Variants in LRRK2 observed in about 807,000 individuals in gnomAD.
LRRK2 encodes leucine rich repeat kinase 2, also known as leucine-rich repeat serine/threonine-protein kinase 2.
A neutral mutation model predicts 302.6 loss-of-function variants in LRRK2; 203 were observed. That is an observed-to-expected ratio of 0.67 (90% confidence interval 0.60 to 0.75). The LOEUF (loss-of-function observed/expected upper bound fraction) is 0.75. LRRK2 is among the 30% of genes least tolerant of loss of function. The pLI is 0.00. For synonymous variants in LRRK2, 1,066 were observed against 1,031.9 expected (o/e 1.03, Z -0.63); for missense variants, 2,830 against 2,951.0 (o/e 0.96, Z 0.95).
intron 41 of LRRK2, among the ~76,000 whole-genome samples, chr12:40,344,817 TTGTATC>T: frequency 6.6e-6 from 1 of 152,106 alleles, no homozygotes; most frequent in Non-Finnish European, 1.5e-5. Context: ...GTCTGAAACA[TTGTATC>T]TGTAACAATA....
intron 48 of LRRK2, 65 bp downstream of exon 48, chr12:40,363,619 G>A (rs1009014894): frequency 3.8e-6 from 6 of 1,561,854 alleles, no homozygotes; most frequent in Non-Finnish European, 5.3e-6. Flanking sequence ...GTGTCACAGA[G>A]GAAGGATTTT....
intron 41 of LRRK2, 119 bp from the exon 42 acceptor site, chr12:40,346,634 C>T: frequency 1.1e-6 from 1 of 902,438 alleles, no homozygotes; most frequent in South Asian, 1.5e-5. Context: ...AATAACACAG[C>T]CTGGTTTAGA....
At chr12:40,365,079 A>G (rs757258873) in intron 49 of LRRK2, 29 bp downstream of exon 49, 4 of 1,580,886 alleles carry the variant, frequency 2.5e-6, no homozygotes, top group African/African-American at 2.7e-5. Flanking sequence ...GATATTTTTC[A>G]TATTCTCTAA....
intron 30 of LRRK2, 88 bp from the exon 31 acceptor site, chr12:40,310,342 TG>T: frequency 8.2e-7 from 1 of 1,224,854 alleles, no homozygotes; most frequent in Non-Finnish European, 1.2e-6. Flanking sequence ...TCCATTCAAG[TG>T]AATGTCACGG....
In LRRK2 at chr12:40,314,122, C is replaced by T. The variant is rs1945128484; in HGVS notation, c.4687C>T (p.Gln1563Ter). 3 of 1,612,660 alleles carry T rather than the reference C, an allele frequency of 1.9e-6. No homozygotes were observed. The highest frequency in any genetic ancestry group is 2.5e-6 in the Non-Finnish European group (3 of 1,178,982). The change falls in exon 32 of 51, where the codon CAG becomes TAG. Residue 1563 changes from glutamine to a stop codon, truncating the protein, a stop_gained. Coordinates refer to ENST00000298910, the MANE Select transcript of LRRK2 (RefSeq NM_198578.4). LOFTEE classifies it high-confidence loss of function. ...LLQLVRENQL[Q>*]LDENELPHAV... ...ACAACTAGTGAGAGAAAATCAGCTG[C>T]AGTTAGATGAAAATGAGCTTCCTCA...
chr12:40,303,853 C>T, intron 26 of LRRK2, 95 bp from the exon 27 acceptor site: 1 of 1,238,288 alleles, frequency 8.1e-7, no homozygotes. Context: ...TGACGTTACA[C>T]TTTATTCTCA....
At chr12:40,226,874 T>C (rs1338106914) in intron 2 of LRRK2, among the ~76,000 whole-genome samples, 1 of 152,176 alleles carries the variant, frequency 6.6e-6, no homozygotes, top group Non-Finnish European at 1.5e-5. Flanking sequence ...CAGAAGTGCC[T>C]GATTCTGGCC....
At chr12:40,260,018 C>G (rs1942699645) in intron 13 of LRRK2, among the ~76,000 whole-genome samples, 2 of 152,030 alleles carry the variant, frequency 1.3e-5, no homozygotes, top group Admixed American at 1.3e-4. Flanking sequence ...TTGAATTAAT[C>G]TTTCTCCAAT....
chr12:40,305,234 A>G (rs1026958493), intron 27 of LRRK2, among the ~76,000 whole-genome samples: 7 of 152,184 alleles, frequency 4.6e-5, no homozygotes, highest in African/African-American at 1.7e-4. Flanking sequence ...AACTGTGCAT[A>G]TATTTTGCTA....
chr12:40,242,327 C>T (rs1941766508), intron 6 of LRRK2, among the ~76,000 whole-genome samples: 1 of 151,984 alleles, frequency 6.6e-6, no homozygotes, highest in Non-Finnish European at 1.5e-5. Context: ...GTTTTGCAAA[C>T]AGCCTTTTTT....
intron 45 of LRRK2, among the ~76,000 whole-genome samples, chr12:40,355,137 A>C (rs1393865381): frequency 6.6e-6 from 1 of 152,196 alleles, no homozygotes. Context: ...TATTGGAAAA[A>C]AAGTACTAGA....
rs199832934 is a variant in LRRK2, at chr12:40,365,022, G to T, written c.7362G>T (p.Ser2454=). 1 of 1,612,226 alleles carries T rather than the reference G, an allele frequency of 6.2e-7. No homozygotes were observed. The highest frequency in any genetic ancestry group is 1.3e-5 in the African/African-American group (1 of 74,862). ...GTGTAATTTACAACTTTTGTAATTC[G>T]GTCAGAGTCATGATGACAGCACAGC... ...LIRVIYNFCN[S]VRVMMTAQLG... The change falls in exon 49 of 51, where the codon TCG becomes TCT. Residue 2454 remains serine (S), a synonymous_variant. Transcript: ENST00000298910.
At chr12:40,304,177 G>A in intron 27 of LRRK2, 43 bp downstream of exon 27, 1 of 1,574,676 alleles carries the variant, frequency 6.4e-7, no homozygotes, top group South Asian at 1.1e-5. Context: ...TTTATGATTT[G>A]CATCATTACA....
chr12:40,367,683 C>G lies in LRRK2; in HGVS notation c.7502C>G (p.Pro2501Arg), dbSNP rs1282723193. 6.2e-7 allele frequency: 1 copy of G among 1,603,290 alleles called. No individual in the cohort carries two copies. Among genetic ancestry groups the G allele is most frequent in the Non-Finnish European group, 8.5e-7 (1 of 1,173,922 alleles). Reference protein sequence around the residue: ...SCLTVWDINLPHEVQNLEKHI... With the variant: ...SCLTVWDINLRHEVQNLEKHI... ...TTGACCGTTTGGGACATCAATCTTC[C>G]ACATGAAGTGCAAAATTTAGAAAAA... The change falls in exon 51 of 51, where the codon CCA becomes CGA. Residue 2501 changes from proline (P) to arginine (R), a missense_variant. Pro to Arg is a moderately radical substitution (Grantham distance 103). This residue lies in a region of LRRK2 where 456 missense variants were observed against 456.3 expected (regional missense o/e 1.00). Coordinates refer to ENST00000298910, the MANE Select transcript of LRRK2 (RefSeq NM_198578.4).
intron 7 of LRRK2, 94 bp from the exon 8 acceptor site, chr12:40,249,732 C>G: frequency 7.4e-7 from 1 of 1,358,892 alleles, no homozygotes; most frequent in Non-Finnish European, 1.0e-6. Context: ...ATATTCATCA[C>G]CATTCAAAAT....
chr12:40,277,023 T>G (rs1324187146), intron 16 of LRRK2, among the ~76,000 whole-genome samples: 1 of 152,110 alleles, frequency 6.6e-6, no homozygotes, highest in African/African-American at 2.4e-5. Flanking sequence ...ATATTTTTTA[T>G]AGGCACAAGA....
chr12:40,341,828 C>G (rs1946052704), intron 41 of LRRK2, among the ~76,000 whole-genome samples: 1 of 152,322 alleles, frequency 6.6e-6, no homozygotes, highest in Non-Finnish European at 1.5e-5. Context: ...GCAACTCTAA[C>G]ATGAAGAAGC....
chr12:40,314,910 G>GTTT (rs1945165201), intron 32 of LRRK2, among the ~76,000 whole-genome samples: 1 of 152,016 alleles, frequency 6.6e-6, no homozygotes, highest in Non-Finnish European at 1.5e-5. Flanking sequence ...TCTTTGTAGT[G>GTTT]TGTATTCAGC....
At chr12:40,283,619 C>G (rs879796151) in intron 18 of LRRK2, among the ~76,000 whole-genome samples, 4 of 152,162 alleles carry the variant, frequency 2.6e-5, no homozygotes, top group Non-Finnish European at 5.9e-5. Context: ...GCCTGTGGAG[C>G]TTTGTCTCCA....
Sources: allele counts gnomAD v4.1 joint callset (sites outside exome capture counted in the v4.1 genomes callset), GRCh38; gene constraint gnomAD v4.1.1; regional missense constraint gnomAD v4.1.1; transcripts MANE v1.5; gene names NCBI Gene and HGNC (gene_info 2026-07-23, HGNC 2026-07-21).